The following ZFHX3 variants were observed in gnomAD, a reference collection of about 807,000 sequenced individuals.
The protein encoded by ZFHX3 is zinc finger homeobox 3, also known as zinc finger homeobox protein 3.
A neutral mutation model predicts 279.1 loss-of-function variants in ZFHX3; 42 were observed. That is an observed-to-expected ratio of 0.15 (90% CI 0.12 to 0.19). The LOEUF (loss-of-function observed/expected upper bound fraction) is 0.19. Among genes scored for constraint, ZFHX3 ranks in the 10% least tolerant of loss-of-function variants. The pLI is 1.00. For missense variants in ZFHX3, 4,981 were observed against 4,754.0 expected (o/e 1.05, Z -1.40); for synonymous variants, 2,293 against 1,957.8 (o/e 1.17, Z -4.52).
At chr16:73,364,353 T>C (rs371788457) in intron 3 of ZFHX3, among the ~76,000 whole-genome samples, 1 of 149,290 alleles carries the variant, frequency 6.7e-6, no homozygotes, top group East Asian at 1.9e-4. Context: ...ATAATAGTAA[T>C]ATTACTATAA....
At chr16:73,274,905 C>T (rs1313423049) in intron 4 of ZFHX3, among the ~76,000 whole-genome samples, 2 of 152,182 alleles carry the variant, frequency 1.3e-5, no homozygotes, top group African/African-American at 4.8e-5. Flanking sequence ...CGGATAGATA[C>T]CCTTTATTGG....
chr16:73,536,754 G>A (rs59900658), intron 2 of ZFHX3, among the ~76,000 whole-genome samples: 14,064 of 152,058 alleles, frequency 0.092, 706 homozygotes, highest in South Asian at 0.14. Context: ...TCACTCCTGC[G>A]TAGCCCACGA....
At chr16:73,034,412 G>C (rs1555543862) in intron 1 of ZFHX3, among the ~76,000 whole-genome samples, 1 of 152,142 alleles carries the variant, frequency 6.6e-6, no homozygotes. Context: ...GCCTCTAAGA[G>C]AAAGTCCCCT....
At chr16:73,525,280 G>A (rs760848089) in intron 2 of ZFHX3, among the ~76,000 whole-genome samples, 1 of 152,186 alleles carries the variant, frequency 6.6e-6, no homozygotes, top group African/African-American at 2.4e-5. Context: ...ACAAGCCAAA[G>A]TCACGCCACT....
At chr16:73,846,059 A>C (rs7201910) in intron 1 of ZFHX3, among the ~76,000 whole-genome samples, 3,940 of 152,228 alleles carry the variant, frequency 0.026, 190 homozygotes, top group African/African-American at 0.088. Flanking sequence ...TAGGCCTCCC[A>C]AGTGCTGGGA....
At chr16:73,514,387 TACGTGATATGCCAAC>T (rs1306200260) in intron 2 of ZFHX3, among the ~76,000 whole-genome samples, 4 of 152,242 alleles carry the variant, frequency 2.6e-5, no homozygotes, top group Admixed American at 6.5e-5. Flanking sequence ...TATTTGTGGT[TACGTGATATGCCAAC>T]ACTATGCTAG....
chr16:73,331,546 G>C (rs2015805179), intron 3 of ZFHX3, among the ~76,000 whole-genome samples: 1 of 152,202 alleles, frequency 6.6e-6, no homozygotes, highest in Admixed American at 6.5e-5. Context: ...TGTGCAGAGA[G>C]TACATCCACA....
At chr16:73,532,172 TG>T (rs2019816526) in intron 2 of ZFHX3, among the ~76,000 whole-genome samples, 1 of 151,494 alleles carries the variant, frequency 6.6e-6, no homozygotes, top group Non-Finnish European at 1.5e-5. Flanking sequence ...ACCCAAATCT[TG>T]TCTTGAATTG....
chr16:73,092,863 C>T, intron 8 of ZFHX3: 3 of 512,836 alleles, frequency 5.8e-6, no homozygotes, highest in Non-Finnish European at 1.2e-5. Context: ...TTAATAGGGA[C>T]AACAGTAAAT....
intron 3 of ZFHX3, among the ~76,000 whole-genome samples, chr16:72,945,219 T>A (rs574408422): frequency 7.0e-4 from 106 of 152,328 alleles, no homozygotes; most frequent in Non-Finnish European, 1.3e-3. Flanking sequence ...GGTACCCAGC[T>A]TTCATGCCGC....
intron 5 of ZFHX3, among the ~76,000 whole-genome samples, chr16:73,182,426 C>T (rs1967817131): frequency 6.6e-6 from 1 of 152,166 alleles, no homozygotes; most frequent in Admixed American, 6.5e-5. Flanking sequence ...CACTGCATTC[C>T]AGCCCAGGTG....
At chr16:73,556,816 C>T (rs2020290243) in intron 2 of ZFHX3, among the ~76,000 whole-genome samples, 2 of 151,650 alleles carry the variant, frequency 1.3e-5, no homozygotes, top group Non-Finnish European at 2.9e-5. Context: ...CTCAGTGAGG[C>T]CGGGCGCGGT....
At chr16:73,453,527 A>G (rs2018315631) in intron 3 of ZFHX3, among the ~76,000 whole-genome samples, 1 of 152,222 alleles carries the variant, frequency 6.6e-6, no homozygotes, top group African/African-American at 2.4e-5. Flanking sequence ...AACAGAGTGT[A>G]ACACTAGCCA....
At chr16:73,031,061 A>C (rs1336464176) in intron 1 of ZFHX3, among the ~76,000 whole-genome samples, 8 of 152,188 alleles carry the variant, frequency 5.3e-5, no homozygotes, top group Non-Finnish European at 1.2e-4. Context: ...ATCCATAAAA[A>C]GATTTCTTTT....
intron 3 of ZFHX3, among the ~76,000 whole-genome samples, chr16:72,907,545 T>TGTGTGTGTGTGTGTGTGTGTGTGTGTG (rs2039208549): frequency 8.3e-6 from 1 of 120,404 alleles, no homozygotes; most frequent in Admixed American, 8.8e-5. Context: ...TTTCCTCTAT[T>TGTGTGTGTGTGTGTGTGTGTGTGTGTG]TGTGTGTGTG....
At chr16:73,811,000 T>C (rs1181383124) in intron 1 of ZFHX3, among the ~76,000 whole-genome samples, 1 of 152,136 alleles carries the variant, frequency 6.6e-6, no homozygotes, top group African/African-American at 2.4e-5. Flanking sequence ...TTATATGAAC[T>C]ACACAGGAGG....
chr16:73,875,258 C>T (rs1223203861), intron 1 of ZFHX3, among the ~76,000 whole-genome samples: 2 of 151,616 alleles, frequency 1.3e-5, no homozygotes, highest in African/African-American at 4.9e-5. Flanking sequence ...AATATTTATA[C>T]ACATGACACA....
intron 1 of ZFHX3, among the ~76,000 whole-genome samples, chr16:73,761,792 G>T (rs1197648892): frequency 2.0e-5 from 3 of 152,152 alleles, no homozygotes; most frequent in African/African-American, 7.2e-5. Context: ...GCAGAAAATT[G>T]AAACTGGACC....
At chr16:73,240,496 G>A (rs1357432947) in intron 5 of ZFHX3, among the ~76,000 whole-genome samples, 3 of 152,148 alleles carry the variant, frequency 2.0e-5, no homozygotes, top group South Asian at 2.1e-4. Context: ...TGGGATTACA[G>A]GTGTGAGCCA....
Sources: allele counts gnomAD v4.1 joint callset (sites outside exome capture counted in the v4.1 genomes callset), GRCh38; gene constraint gnomAD v4.1.1; transcripts MANE v1.5; gene names NCBI Gene and HGNC (gene_info 2026-07-23, HGNC 2026-07-21).